Variants in NEXMIF observed in about 807,000 individuals in gnomAD.
NEXMIF encodes the protein neurite extension and migration factor.
Under a neutral mutation model 62.1 loss-of-function variants are expected in NEXMIF, and 8 were observed. The observed-to-expected ratio is 0.13, with a 90% CI of 0.08 to 0.23. The LOEUF is 0.23. Among genes scored for constraint, NEXMIF ranks in the 10% least tolerant of loss-of-function variants. NEXMIF has a pLI of 1.00. For synonymous variants in NEXMIF, 404 were observed against 416.6 expected, an observed-to-expected ratio of 0.97 and a Z score of 0.37; for missense variants, 976 against 1,113.3, an observed-to-expected ratio of 0.88 and a Z score of 1.75.
chrX:74,883,271 C>T (rs1471368643), intron 1 of NEXMIF, among the ~76,000 whole-genome samples: 2 of 111,915 alleles, frequency 1.8e-5, no homozygotes, highest in East Asian at 5.6e-4. Flanking sequence ...CAGCTCCTCA[C>T]CAGCAACGGA....
At chrX:74,900,345 T>A (rs1369915445) in intron 1 of NEXMIF, among the ~76,000 whole-genome samples, 1 of 107,858 alleles carries the variant, frequency 9.3e-6, no homozygotes, top group African/African-American at 3.4e-5. Context: ...ATGCCTGTAG[T>A]CCCAGCTACT....
rs1277830191 is a variant in NEXMIF, at chrX:74,737,263, A to T, written c.*2142T>A. The T allele has an allele frequency of 3.6e-5, 4 of 111,560 alleles. No homozygotes were observed. The highest frequency in any genetic ancestry group is 9.8e-5 in the African/African-American group (3 of 30,643). The allele number at this position is 111,560 out of a possible 1,213,427, so 9.2% of individuals were successfully genotyped here. On this transcript the variant is annotated 3_prime_UTR_variant, in exon 4 of 4. Transcript: ENST00000055682. ...CAAAACAGAAAAATCAAAAACAAAAACAAAAACAAAACAAAGACCAGTTTC... is the reference window on the plus strand; with the variant it reads ...CAAAACAGAAAAATCAAAAACAAAATCAAAAACAAAACAAAGACCAGTTTC...
intron 1 of NEXMIF, among the ~76,000 whole-genome samples, chrX:74,778,344 G>C (rs749709799): frequency 9.0e-5 from 10 of 111,422 alleles, no homozygotes; most frequent in Non-Finnish European, 1.9e-4. Flanking sequence ...TGCACTCCCG[G>C]ATCTACAGAT....
At chrX:74,853,277 T>C (rs891860537) in intron 1 of NEXMIF, among the ~76,000 whole-genome samples, 1 of 109,867 alleles carries the variant, frequency 9.1e-6, no homozygotes, top group East Asian at 2.9e-4. Context: ...GAGGCAGTGA[T>C]TGATTTACAT....
intron 1 of NEXMIF, among the ~76,000 whole-genome samples, chrX:74,884,878 C>T (rs1036344479): frequency 3.6e-5 from 4 of 111,455 alleles, no homozygotes; most frequent in African/African-American, 6.5e-5. Context: ...TATTCCAAAA[C>T]TGACCACATT....
intron 1 of NEXMIF, among the ~76,000 whole-genome samples, chrX:74,762,288 T>C (rs1259669601): frequency 2.7e-5 from 3 of 111,207 alleles, no homozygotes; most frequent in Non-Finnish European, 3.8e-5. Context: ...ACAAAGGACA[T>C]GAACTCATCC....
At chrX:74,807,218 AT>A (rs2080347632) in intron 1 of NEXMIF, among the ~76,000 whole-genome samples, 1 of 111,997 alleles carries the variant, frequency 8.9e-6, no homozygotes, top group Admixed American at 9.5e-5. Flanking sequence ...GATTTTTTTC[AT>A]CAGAGTTTTG....
At chrX:74,853,668 A>G (rs2080523891) in intron 1 of NEXMIF, among the ~76,000 whole-genome samples, 1 of 111,009 alleles carries the variant, frequency 9.0e-6, no homozygotes. Flanking sequence ...CCTAAAAATA[A>G]TTTCTTAATA....
chrX:74,904,609 T>C (rs1411106235), intron 1 of NEXMIF, among the ~76,000 whole-genome samples: 1 of 111,499 alleles, frequency 9.0e-6, no homozygotes, highest in African/African-American at 3.3e-5. Context: ...ATTCTTGATA[T>C]CTTCATTTTT....
chrX:74,874,092 C>T (rs1256842623), intron 1 of NEXMIF, among the ~76,000 whole-genome samples: 2 of 107,700 alleles, frequency 1.9e-5, no homozygotes, highest in Admixed American at 1.0e-4. Context: ...AATGGTAATG[C>T]CTAGGTTTTC....
intron 1 of NEXMIF, among the ~76,000 whole-genome samples, chrX:74,877,181 G>A (rs1365234841): frequency 9.0e-6 from 1 of 111,184 alleles, no homozygotes; most frequent in Non-Finnish European, 1.9e-5. Context: ...TTTTAGGGCA[G>A]GCCTGGTGGT....
At chrX:74,856,270 G>C (rs1334631747) in intron 1 of NEXMIF, among the ~76,000 whole-genome samples, 1 of 112,158 alleles carries the variant, frequency 8.9e-6, no homozygotes, top group East Asian at 2.8e-4. Flanking sequence ...AGACTCAAAA[G>C]TATAAATCAT....
chrX:74,824,265 A>G (rs1036583676), intron 1 of NEXMIF, among the ~76,000 whole-genome samples: 1 of 111,806 alleles, frequency 8.9e-6, no homozygotes, highest in African/African-American at 3.3e-5. Context: ...TCTTTTGACT[A>G]TCATCTCCCC....
chrX:74,740,436 G>A lies in NEXMIF; in HGVS notation c.4121C>T (p.Pro1374Leu). 1 of 1,210,616 alleles carries A rather than the reference G, an allele frequency of 8.3e-7. No homozygotes were observed. ...LKTLKILAGT[P>L]QESKKKINSG... ...GTTGATCTTTTTCTTAGACTCCTGT[G>A]GTGTCCCAGCCAATATTTTGAGGGT... Residue 1374 changes from proline (P) to leucine (L), a missense_variant, in exon 3 of 4, where the codon CCA becomes CTA. Pro to Leu is a moderately conservative substitution (Grantham distance 98). Around this residue, in one of 5 missense-constraint regions of NEXMIF, gnomAD observed 137 missense variants for 128.9 expected, o/e 1.06. Transcript: ENST00000055682.
At chrX:74,873,679 C>A (rs1159609442) in intron 1 of NEXMIF, among the ~76,000 whole-genome samples, 1 of 111,915 alleles carries the variant, frequency 8.9e-6, no homozygotes, top group Non-Finnish European at 1.9e-5. Context: ...TAATGATTGC[C>A]ATTCTAACTG....
At chrX:74,756,935 C>A (rs1351885299) in intron 1 of NEXMIF, among the ~76,000 whole-genome samples, 3 of 111,823 alleles carry the variant, frequency 2.7e-5, no homozygotes, top group Non-Finnish European at 5.6e-5. Flanking sequence ...GCAGCCAAAT[C>A]CACAGTAGGG....
chrX:74,889,508 C>T (rs74666299), intron 1 of NEXMIF, among the ~76,000 whole-genome samples: 2 of 111,484 alleles, frequency 1.8e-5, no homozygotes, highest in African/African-American at 3.3e-5. Context: ...AAATGTAACA[C>T]TCAAAGGATT....
chrX:74,754,370 G>A (rs1422322437), intron 1 of NEXMIF, among the ~76,000 whole-genome samples: 12 of 104,453 alleles, frequency 1.1e-4, no homozygotes, highest in African/African-American at 4.2e-4. Flanking sequence ...GTGTAGTGGT[G>A]CGATCTCGGC....
chrX:74,784,979 T>C (rs2080256510), intron 1 of NEXMIF, among the ~76,000 whole-genome samples: 1 of 111,535 alleles, frequency 9.0e-6, no homozygotes, highest in African/African-American at 3.3e-5. Flanking sequence ...AGAAAACACT[T>C]TGCATATGTT....
Sources: gnomAD v4.1 joint callset for allele counts (sites outside exome capture counted in the v4.1 genomes callset) on GRCh38, gnomAD v4.1.1 for gene constraint, gnomAD v4.1.1 regional missense constraint, MANE v1.5 for transcripts, NCBI Gene and HGNC (gene_info 2026-07-23, HGNC 2026-07-21) for gene names.